The following ZNF420 variants were observed in gnomAD, a reference collection of about 807,000 sequenced individuals.
The protein encoded by ZNF420 is zinc finger protein 420.
ZNF420 carries 31 observed loss-of-function variants against 44.7 expected under a neutral mutation model. That is an observed-to-expected ratio of 0.69 (90% CI 0.52 to 0.94). ZNF420 has a LOEUF of 0.94. ZNF420 is among the 40% of genes least tolerant of loss of function. The probability of loss-of-function intolerance (pLI) is 0.00; values close to 1 mark genes in which losing one functional copy is unlikely to be tolerated. For missense variants in ZNF420, 681 were observed against 827.9 expected (o/e 0.82, Z 2.18); for synonymous variants, 245 against 267.4 (o/e 0.92, Z 0.82).
chr19:37,015,186 G>A (rs1299617237), intron 1 of ZNF420, among the ~76,000 whole-genome samples: 3 of 152,258 alleles, frequency 2.0e-5, no homozygotes, highest in South Asian at 2.1e-4. Context: ...AATGTGACTC[G>A]TGCGCTGGAG....
chr19:37,127,482 A>T lies in ZNF420; in HGVS notation c.491A>T (p.Glu164Val), dbSNP rs1035581107. ...LTQHQSIHTG[E>V]KPYECKQCGK... is the part of the protein sequence containing the mutation. ...CAACATCAAAGTATTCATACTGGTG[A>T]AAAACCCTATGAATGTAAGCAATGC... Residue 164 changes from glutamate (E) to valine (V), a missense_variant, in exon 5 of 5, where the codon GAA becomes GTA. Transcript: ENST00000337995. 3 of 1,614,094 alleles carry T rather than the reference A, an allele frequency of 1.9e-6. No homozygotes were observed. The highest frequency in any genetic ancestry group is 2.5e-6 in the Non-Finnish European group (3 of 1,179,970).
At chr19:37,077,757 G>T (rs555279660), upstream of ZNF420, among the ~76,000 whole-genome samples, 1 of 152,112 alleles carries the variant, frequency 6.6e-6, no homozygotes, top group South Asian at 2.1e-4. Flanking sequence ...CTCAATTACG[G>T]CCACACACAA....
At chr19:37,031,659 C>T (rs903684931) in intron 1 of ZNF420, among the ~76,000 whole-genome samples, 15 of 152,116 alleles carry the variant, frequency 9.9e-5, no homozygotes, top group African/African-American at 3.6e-4. Flanking sequence ...GTACAGGCCA[C>T]GTGCCACCAC....
intron 1 of ZNF420, among the ~76,000 whole-genome samples, chr19:37,031,013 G>A (rs1036711391): frequency 2.0e-5 from 3 of 151,826 alleles, no homozygotes; most frequent in South Asian, 4.2e-4. Context: ...CCCCCACCAC[G>A]CCCGGCTAAT....
intron 1 of ZNF420, among the ~76,000 whole-genome samples, chr19:37,041,737 C>T (rs1336733836): frequency 6.6e-6 from 1 of 152,106 alleles, no homozygotes; most frequent in Non-Finnish European, 1.5e-5. Context: ...TACTTTATAG[C>T]TTATATTGAA....
At chr19:37,028,059 T>C (rs1967186669) in intron 1 of ZNF420, among the ~76,000 whole-genome samples, 1 of 152,196 alleles carries the variant, frequency 6.6e-6, no homozygotes, top group African/African-American at 2.4e-5. Context: ...CAATGAGAGT[T>C]CCTGTTGCGC....
At chr19:37,020,782 C>A (rs937849188) in intron 1 of ZNF420, among the ~76,000 whole-genome samples, 6 of 152,080 alleles carry the variant, frequency 3.9e-5, no homozygotes, top group African/African-American at 1.4e-4. Context: ...AGGAAATAAG[C>A]CTGTTATAAA....
chr19:37,098,707 G>A (rs1428791000), intron 4 of ZNF420, among the ~76,000 whole-genome samples: 2 of 152,168 alleles, frequency 1.3e-5, no homozygotes, highest in Non-Finnish European at 2.9e-5. Flanking sequence ...CATTCAAGAT[G>A]CTCTCTTCTA....
chr19:37,095,024 A>T (rs994099230), intron 4 of ZNF420, among the ~76,000 whole-genome samples: 8 of 151,612 alleles, frequency 5.3e-5, no homozygotes, highest in African/African-American at 1.9e-4. Flanking sequence ...CCAGCTACTC[A>T]GGAGGCTGAG....
At chr19:37,018,333 G>A (rs913070720) in intron 1 of ZNF420, among the ~76,000 whole-genome samples, 8 of 152,102 alleles carry the variant, frequency 5.3e-5, no homozygotes, top group Non-Finnish European at 1.2e-4. Flanking sequence ...GGGATTCCAA[G>A]TAGGCAAAAC....
In ZNF420 at chr19:37,128,871, G is replaced by A. The variant is rs779462671; in HGVS notation, c.1880G>A (p.Ser627Asn). ...GAATGTAGAAAGGCCTTTACTCAGA[G>A]TTCACATCTTTCTCGGCATCAGAGA... ...CRECRKAFTQ[S>N]SHLSRHQRIH... Residue 627 changes from serine (S) to asparagine (N), a missense_variant, in exon 5 of 5, where the codon AGT becomes AAT. Ser to Asn is a conservative substitution (Grantham distance 46). Transcript: ENST00000337995. The A allele has an allele frequency of 6.2e-7, 1 of 1,613,664 alleles. No homozygotes were observed. Among genetic ancestry groups the A allele is most frequent in the Non-Finnish European group, 8.5e-7 (1 of 1,179,926 alleles).
intron 4 of ZNF420, among the ~76,000 whole-genome samples, chr19:37,099,413 G>C (rs972945035): frequency 6.6e-6 from 1 of 151,882 alleles, no homozygotes. Flanking sequence ...GCTTCGATTT[G>C]CATTTCCCTA....
chr19:37,063,678 C>A (rs1967918338), intron 1 of ZNF420, among the ~76,000 whole-genome samples: 1 of 151,980 alleles, frequency 6.6e-6, no homozygotes, highest in Non-Finnish European at 1.5e-5. Flanking sequence ...CTCCTGAACC[C>A]CATCAGTCGC....
At chr19:37,023,091 T>C (rs937905804) in intron 1 of ZNF420, among the ~76,000 whole-genome samples, 2 of 151,910 alleles carry the variant, frequency 1.3e-5, no homozygotes, top group African/African-American at 4.8e-5. Flanking sequence ...TGAGCCGAGA[T>C]TGCACCACAG....
At chr19:37,108,096 A>C (rs892439954) in intron 4 of ZNF420, among the ~76,000 whole-genome samples, 1 of 152,218 alleles carries the variant, frequency 6.6e-6, no homozygotes, top group Non-Finnish European at 1.5e-5. Flanking sequence ...TTTTTGATCA[A>C]TACCAGATTG....
chr19:37,052,520 T>C (rs1190281862), intron 1 of ZNF420, among the ~76,000 whole-genome samples: 3 of 152,204 alleles, frequency 2.0e-5, no homozygotes, highest in Non-Finnish European at 4.4e-5. Context: ...TTTCCATATT[T>C]AGTGCTTCCT....
intron 1 of ZNF420, among the ~76,000 whole-genome samples, chr19:37,037,608 C>G (rs1967380802): frequency 6.6e-6 from 1 of 152,156 alleles, no homozygotes; most frequent in African/African-American, 2.4e-5. Context: ...GACAGGTGGG[C>G]AAATGCTCCA....
At chr19:37,123,581 A>G (rs374375925) in intron 4 of ZNF420, among the ~76,000 whole-genome samples, 1 of 59,236 alleles carries the variant, frequency 1.7e-5, no homozygotes, top group East Asian at 3.4e-4. Flanking sequence ...TGACTTCTTT[A>G]TTTTCTTTTA....
At chr19:37,037,335 GC>G (rs1967373871) in intron 1 of ZNF420, among the ~76,000 whole-genome samples, 3 of 152,204 alleles carry the variant, frequency 2.0e-5, no homozygotes, top group Admixed American at 2.0e-4. Context: ...GGGTCCTCTT[GC>G]CGAGATGGAT....
Sources: allele counts gnomAD v4.1 joint callset (sites outside exome capture counted in the v4.1 genomes callset), GRCh38; gene constraint gnomAD v4.1.1; transcripts MANE v1.5; gene names NCBI Gene and HGNC (gene_info 2026-07-23, HGNC 2026-07-21).